The following EFCAB5 variants were observed in gnomAD, a reference collection of about 807,000 sequenced individuals.
The protein encoded by EFCAB5 is EF-hand calcium binding domain 5, also known as EF-hand calcium-binding domain-containing protein 5.
In EFCAB5, 131 loss-of-function variants were observed where a neutral mutation model predicts 167.9. The observed-to-expected ratio is 0.78, with a 90% CI of 0.68 to 0.90. The LOEUF is 0.90. Ranked by LOEUF, EFCAB5 falls within the 40% of genes least tolerant of loss-of-function variation. The probability of loss-of-function intolerance (pLI) is 0.00; values close to 1 mark genes in which losing one functional copy is unlikely to be tolerated. For missense variants in EFCAB5, 1,663 were observed against 1,745.2 expected (o/e 0.95, Z 0.84); for synonymous variants, 574 against 602.8 (o/e 0.95, Z 0.70).
chr17:30,103,988 A>G (rs537029516), intron 22 of EFCAB5, among the ~76,000 whole-genome samples: 1 of 152,314 alleles, frequency 6.6e-6, no homozygotes, highest in South Asian at 2.1e-4. Flanking sequence ...TCCAGGCTGG[A>G]CAACAAGAGC....
intron 7 of EFCAB5, among the ~76,000 whole-genome samples, chr17:30,021,071 A>G (rs2069166925): frequency 6.6e-6 from 1 of 152,118 alleles, no homozygotes; most frequent in Non-Finnish European, 1.5e-5. Flanking sequence ...CTTTCCAGGA[A>G]GGAACAACAT....
At chr17:30,099,387 A>C (rs1251721876) in intron 22 of EFCAB5, among the ~76,000 whole-genome samples, 1 of 152,050 alleles carries the variant, frequency 6.6e-6, no homozygotes, top group African/African-American at 2.4e-5. Flanking sequence ...TGATCGTGCC[A>C]CTGCACTCCA....
At position 30,087,098 on chromosome 17, in the gene EFCAB5, A is replaced by G. The variant is rs916086066; in HGVS notation, c.3615A>G (p.Thr1205=). Residue 1205 remains threonine (T), a synonymous_variant, in exon 19 of 23, where the codon ACA becomes ACG. Transcript: ENST00000394835. ...SDYVLRNMMV[T]GQLGLTEIHK... ...ATGTTTTACGCAACATGATGGTTAC[A>G]GGGCAGCTGGGTCTAACAGAAATCC... The G allele has an allele frequency of 7.4e-6, 12 of 1,613,442 alleles. No individual in the cohort carries two copies. The African/African-American group carries it at 1.5e-4, about 20-fold the overall frequency.
intron 8 of EFCAB5, among the ~76,000 whole-genome samples, chr17:30,049,322 A>G (rs548563546): frequency 6.6e-6 from 1 of 152,242 alleles, no homozygotes; most frequent in Non-Finnish European, 1.5e-5. Flanking sequence ...TCTACTAAAA[A>G]TACAAAAATT....
chr17:30,051,304 C>T, intron 9 of EFCAB5, 87 bp downstream of exon 9: 1 of 1,071,078 alleles, frequency 9.3e-7, no homozygotes, highest in Non-Finnish European at 1.4e-6. Flanking sequence ...TATGTTAACA[C>T]AAGATTATTC....
chr17:29,968,827 G>C lies in EFCAB5; in HGVS notation c.227G>C (p.Gly76Ala), dbSNP rs773139880. 8 of 1,514,294 alleles carry C rather than the reference G, an allele frequency of 5.3e-6. No individual in the cohort carries two copies. The highest frequency in any genetic ancestry group is 1.3e-5 in the South Asian group (1 of 76,298). 93.8% of individuals were successfully genotyped at this position (1,514,294 alleles called of 1,614,324 possible). A position where few individuals can be genotyped will look rare whatever the true frequency, so the allele number is the denominator to read the frequency against. The part of the protein sequence containing the change: ...NLEGQRKISP[G>A]SIKDSKTEAS... Reference sequence around the variant, plus strand: ...GAGGGGCAGCGAAAAATTTCACCTGGTTCAATAAAGGACTCTAAAACTGAA... The same window carrying C: ...GAGGGGCAGCGAAAAATTTCACCTGCTTCAATAAAGGACTCTAAAACTGAA... Residue 76 changes from glycine (G) to alanine (A), a missense_variant, in exon 4 of 23, where the codon GGT (glycine) becomes GCT (alanine). Coordinates refer to ENST00000394835, the MANE Select transcript of EFCAB5 (RefSeq NM_198529.4).
intron 4 of EFCAB5, chr17:29,972,845 C>G: frequency 4.8e-6 from 1 of 208,648 alleles, no homozygotes; most frequent in South Asian, 9.2e-5. Flanking sequence ...GGGAAGGGTA[C>G]AATGTGATCC....
chr17:30,018,042 T>C (rs1457765568), intron 7 of EFCAB5, among the ~76,000 whole-genome samples: 1 of 152,188 alleles, frequency 6.6e-6, no homozygotes, highest in Non-Finnish European at 1.5e-5. Flanking sequence ...TCTTATATAT[T>C]GAGAATGTCT....
At chr17:29,950,240 T>C (rs2151533555) in intron 3 of EFCAB5, among the ~76,000 whole-genome samples, 1 of 152,176 alleles carries the variant, frequency 6.6e-6, no homozygotes, top group Admixed American at 6.5e-5. Flanking sequence ...ATAGTAAATA[T>C]ATTTTATCTT....
At chr17:30,079,557 A>G (rs1385042028) in intron 15 of EFCAB5, among the ~76,000 whole-genome samples, 2 of 152,246 alleles carry the variant, frequency 1.3e-5, no homozygotes, top group Admixed American at 6.5e-5. Context: ...GAAAGTCTGC[A>G]ATCTTGGGCC....
rs768782863 is a variant in EFCAB5, at chr17:30,063,420, C to T, written c.2737+3719C>T. On this transcript the variant is annotated intron_variant, in intron 14 of 22. Transcript: ENST00000394835. The stretch of plus-strand genomic sequence containing the variant: ...TCCCATATTGCAACCATATCGTCCT[C>T]CTGGGCCCAAACTTCCAGAGCAAGT... Among the ~76,000 whole-genome samples the T allele has an allele frequency of 1.8e-3, 271 of 152,300 alleles. 1 individual carries two copies. Among genetic ancestry groups the T allele is most frequent in the Non-Finnish European group, 1.5e-3 (101 of 68,020 alleles).
intron 7 of EFCAB5, among the ~76,000 whole-genome samples, chr17:30,026,209 A>T (rs183550598): frequency 6.6e-6 from 1 of 152,108 alleles, no homozygotes; most frequent in East Asian, 1.9e-4. Flanking sequence ...AAATAATCAG[A>T]ACACTTTGAT....
At chr17:29,974,878 T>C (rs2068033351) in intron 4 of EFCAB5, among the ~76,000 whole-genome samples, 1 of 151,984 alleles carries the variant, frequency 6.6e-6, no homozygotes, top group Non-Finnish European at 1.5e-5. Flanking sequence ...CACAAAATAT[T>C]ATTCATCTTT....
rs374173094 is a variant in EFCAB5, at chr17:29,965,444, G to A, written c.191-3347G>A. Among the ~76,000 whole-genome samples, 30 of 152,200 alleles carry A rather than the reference G, an allele frequency of 2.0e-4. No individual in the cohort carries two copies. The East Asian group carries it at 5.4e-3, about 27-fold the overall frequency. ...TTTTAAATCCATTGAGACTAGTTTT[G>A]TGGCCTAACATATGGTCTATCCTGG... On this transcript the variant is annotated intron_variant, in intron 3 of 22. Coordinates refer to ENST00000394835, the MANE Select transcript of EFCAB5 (RefSeq NM_198529.4).
chr17:30,045,193 C>G (rs1028079635), intron 8 of EFCAB5, among the ~76,000 whole-genome samples: 1 of 152,028 alleles, frequency 6.6e-6, no homozygotes, highest in Non-Finnish European at 1.5e-5. Flanking sequence ...CACGGTGGTT[C>G]ACGCCTGTAA....
chr17:29,974,884 TC>T (rs2068033491), intron 4 of EFCAB5, among the ~76,000 whole-genome samples: 1 of 152,028 alleles, frequency 6.6e-6, no homozygotes, highest in African/African-American at 2.4e-5. Flanking sequence ...ATATTATTCA[TC>T]TTTTGATTTT....
At position 30,108,063 on chromosome 17, in the gene EFCAB5, CTTTGTTTGTTATCAGT is replaced by C; in HGVS notation, c.*51_*66del. On this transcript the variant is annotated 3_prime_UTR_variant, in exon 23 of 23. Transcript: ENST00000394835. ...TGGAATTGATACTGTATTTAGGATCCTTTGTTTGTTATCAGTTTTGTTTGTTAACTATAAAATATTT... is the reference window on the plus strand; with the variant it reads ...TGGAATTGATACTGTATTTAGGATCCTTTGTTTGTTAACTATAAAATATTT... The C allele has an allele frequency of 6.5e-7, 1 of 1,542,276 alleles. No individual in the cohort carries two copies. Among genetic ancestry groups the C allele is most frequent in the Non-Finnish European group, 8.7e-7 (1 of 1,153,048 alleles).
At chr17:29,993,936 T>C (rs1158860780) in intron 5 of EFCAB5, among the ~76,000 whole-genome samples, 1 of 150,946 alleles carries the variant, frequency 6.6e-6, no homozygotes, top group Non-Finnish European at 1.5e-5. Context: ...CTAGGCAATA[T>C]AGGGAGACCC....
intron 22 of EFCAB5, among the ~76,000 whole-genome samples, chr17:30,096,983 TATATACATATACATATAC>T (rs71138872): frequency 0.054 from 5,611 of 103,702 alleles, 198 homozygotes; most frequent in Non-Finnish European, 0.073. Flanking sequence ...CGGTCACAAT[TATATACATATACATATAC>T]ATATACATAT....
Sources: allele counts gnomAD v4.1 joint callset (sites outside exome capture counted in the v4.1 genomes callset), GRCh38; gene constraint gnomAD v4.1.1; transcripts MANE v1.5; gene names NCBI Gene and HGNC (gene_info 2026-07-23, HGNC 2026-07-21).